Variants in STRIP2 observed in about 807,000 individuals in gnomAD.
STRIP2 encodes the protein striatin-interacting protein 2.
Under a neutral mutation model 107.1 loss-of-function variants are expected in STRIP2, and 84 were observed. The ratio of observed to expected loss-of-function variants is 0.78; its 90% CI spans 0.66 to 0.94. STRIP2 has a LOEUF of 0.94. STRIP2 is among the 40% of genes least tolerant of loss of function. The pLI, the probability that STRIP2 is intolerant of heterozygous loss-of-function variation, is 0.00. For synonymous variants in STRIP2, 394 were observed against 400.4 expected (o/e 0.98, Z 0.19); for missense variants, 888 against 1,034.2 (o/e 0.86, Z 1.94).
chr7:129,459,367 G>T (rs545309171), intron 11 of STRIP2, 150 bp from the exon 12 acceptor site: 2 of 669,340 alleles, frequency 3.0e-6, no homozygotes, highest in East Asian at 2.5e-5. Flanking sequence ...GCACTGATGT[G>T]GGACCTACGA....
intron 19 of STRIP2, among the ~76,000 whole-genome samples, chr7:129,482,385 T>TC (rs1799147386): frequency 1.4e-5 from 2 of 139,966 alleles, no homozygotes; most frequent in African/African-American, 2.6e-5. Context: ...ATATTTTTTT[T>TC]TTTTTTTTTT....
Position 129,453,211 on chromosome 7 carries a change from CT to C in STRIP2, c.410-15del. The C allele has an allele frequency of 6.2e-7, 1 of 1,613,786 alleles. No homozygotes were observed. Among genetic ancestry groups the C allele is most frequent in the Non-Finnish European group, 8.5e-7 (1 of 1,179,836 alleles). ...TGCCACCCCTCAACCCCTGTAACAA[CT>C]GTCTGGTCCTTTAGGTACTTTTGGG... On this transcript the variant is annotated splice_polypyrimidine_tract_variant and intron_variant, in intron 4 of 20. Transcript: ENST00000249344.
rs1798632327 is a variant in STRIP2, at chr7:129,464,796, CAAAG to C, written c.1776+59_1776+62del. Reference sequence around the variant, plus strand: ...TGGGTGTTTGCCAGGCCCTATCTCTCAAAGGAAGGATGCAAAGTCCCTTTTAATC... The same window carrying C: ...TGGGTGTTTGCCAGGCCCTATCTCTCGAAGGATGCAAAGTCCCTTTTAATC... On this transcript the variant is annotated intron_variant, in intron 16 of 20. Transcript: ENST00000249344. 19 of 1,607,912 alleles carry C rather than the reference CAAAG, an allele frequency of 1.2e-5. No homozygotes were observed. In the South Asian group the frequency reaches 1.8e-4, roughly 15 times the overall value.
chr7:129,485,453 TAC>T, intron 20 of STRIP2, 124 bp from the exon 21 acceptor site: 4 of 767,674 alleles, frequency 5.2e-6, no homozygotes, highest in Non-Finnish European at 7.3e-6. Context: ...CATTGCTCTT[TAC>T]AAAAAAAAAA....
chr7:129,443,989 TC>T, intron 2 of STRIP2, 34 bp from the exon 3 acceptor site: 2 of 1,553,586 alleles, frequency 1.3e-6, no homozygotes, highest in South Asian at 2.2e-5. Context: ...TTTAAGGATC[TC>T]CCGAATGTGA....
rs773060629 is a variant in STRIP2, at chr7:129,464,622, C to T, written c.1660C>T (p.Leu554Phe). The change falls in exon 16 of 21, where the codon CTC becomes TTC. Residue 554 changes from leucine (L) to phenylalanine (F), a missense_variant. Leu to Phe is a conservative substitution (Grantham distance 22, BLOSUM62 0). Transcript: ENST00000249344. ...CTCTCCCCATTGTAGCATCACTGTT[C>T]TCCAGAGCATGAAGCTGGGCATCGA... ...VLPEEMPITV[L>F]QSMKLGIDVN... 3.8e-5 allele frequency: 61 copies of T among 1,613,936 alleles called. No homozygotes were observed. The highest frequency in any genetic ancestry group is 4.5e-5 in the Non-Finnish European group (53 of 1,179,986).
rs542249597 is a variant in STRIP2 at position 129,475,798 on chromosome 7, T to C, written c.1945-4987T>C. Reference sequence around the variant, plus strand: ...AGCATGCTGCCTTCAAGCATCTGTTTAACAAAGCACATCTTGCACCGCCCT... The same window carrying C: ...AGCATGCTGCCTTCAAGCATCTGTTCAACAAAGCACATCTTGCACCGCCCT... On this transcript the variant is annotated intron_variant, in intron 18 of 20. Transcript: ENST00000249344. 1.4e-4 allele frequency among the ~76,000 whole-genome samples: 21 copies of C among 152,174 alleles called. No individual in the cohort carries two copies. The East Asian group carries it at 2.1e-3, about 15-fold the overall frequency.
intron 19 of STRIP2, 61 bp downstream of exon 19, chr7:129,480,950 A>G: frequency 7.5e-7 from 1 of 1,325,606 alleles, no homozygotes; most frequent in Non-Finnish European, 1.1e-6. Context: ...AAAGATCACT[A>G]GTAAATATTT....
At chr7:129,440,165 GA>G in intron 2 of STRIP2, 74 bp downstream of exon 2, 1 of 1,319,490 alleles carries the variant, frequency 7.6e-7, no homozygotes, top group Non-Finnish European at 1.1e-6. Flanking sequence ...GATCTCCCTG[GA>G]AGCTTGTCTG....
In STRIP2 at chr7:129,460,289, T is replaced by A. The variant is rs765721586; in HGVS notation, c.1405-12T>A. 6.2e-7 allele frequency: 1 copy of A among 1,612,710 alleles called. No homozygotes were observed. Among genetic ancestry groups the A allele is most frequent in the East Asian group, 2.2e-5 (1 of 44,866 alleles). ...CCCTCAGCCCTTGTTGATGTCTTCT[T>A]ATCTTTGTCAGCACAAGTATATCTC... On this transcript the variant is annotated splice_polypyrimidine_tract_variant and intron_variant, in intron 12 of 20. Transcript: ENST00000249344.
intron 2 of STRIP2, among the ~76,000 whole-genome samples, chr7:129,442,859 G>C (rs1283935908): frequency 6.6e-6 from 1 of 152,064 alleles, no homozygotes; most frequent in African/African-American, 2.4e-5. Context: ...CCTGTGACCT[G>C]GTTAAATTTC....
In STRIP2 at chr7:129,472,775, CCTTTTTTTTTT is replaced by C. The variant is rs1486117450; in HGVS notation, c.1944+2061_1944+2071del. Among the ~76,000 whole-genome samples, 30 of 68,888 alleles carry C rather than the reference CCTTTTTTTTTT, an allele frequency of 4.4e-4. 1 individual carries two copies. The East Asian group carries it at 7.0e-3, about 16-fold the overall frequency. 45.2% of individuals were successfully genotyped at this position (68,888 alleles called of 152,430 possible). A position where few individuals can be genotyped will look rare whatever the true frequency, so the allele number is the denominator to read the frequency against. ...AATATATAGAATTTTCTTTTCTTTT[CCTTTTTTTTTT>C]TTTTTTTTTTTTTTTTTTGAGACAG... is the stretch of plus-strand genomic sequence containing the variant. On this transcript the variant is annotated intron_variant, in intron 18 of 20. Transcript: ENST00000249344.
intron 17 of STRIP2, among the ~76,000 whole-genome samples, chr7:129,468,859 G>A (rs1798730634): frequency 6.6e-6 from 1 of 152,208 alleles, no homozygotes; most frequent in South Asian, 2.1e-4. Flanking sequence ...CTCAGGGTTG[G>A]CCTGTAGTGT....
intron 13 of STRIP2, among the ~76,000 whole-genome samples, chr7:129,462,084 C>T (rs1198370902): frequency 1.3e-5 from 2 of 152,108 alleles, no homozygotes; most frequent in East Asian, 1.9e-4. Context: ...CTCCATGAAG[C>T]GTGAGGCAGG....
chr7:129,449,567 A>T (rs1397097714), intron 3 of STRIP2, among the ~76,000 whole-genome samples: 2 of 152,140 alleles, frequency 1.3e-5, no homozygotes, highest in Non-Finnish European at 2.9e-5. Flanking sequence ...GGATGGGGAA[A>T]CTGTTCCTCC....
rs1251766176 is a variant in STRIP2 at position 129,458,495 on chromosome 7, T to C, written c.1274+45T>C. On this transcript the variant is annotated intron_variant, in intron 10 of 20. Transcript: ENST00000249344. The surrounding 1 kb of genome is among the most constrained non-coding windows in gnomAD (Gnocchi z 4.6). ...GGACCCCTATGCTTCGGGGTTTCAG[T>C]CTCCAAAGGCCCAAGATGGGGTAGT... 2 of 1,466,892 alleles carry C rather than the reference T, an allele frequency of 1.4e-6. No individual in the cohort carries two copies. The highest frequency in any genetic ancestry group is 1.8e-6 in the Non-Finnish European group (2 of 1,094,620). The allele number at this position is 1,466,892 out of a possible 1,614,324, so 90.9% of individuals were successfully genotyped here.
intron 18 of STRIP2, among the ~76,000 whole-genome samples, chr7:129,472,061 T>A (rs1584962977): frequency 6.6e-6 from 1 of 152,248 alleles, no homozygotes; most frequent in Admixed American, 6.5e-5. Flanking sequence ...AGGTTAGTAT[T>A]ACTATTTTAT....
rs1356175566 is a variant in STRIP2 at position 129,467,739 on chromosome 7, G to GT, written c.1877+295dup. Among the ~76,000 whole-genome samples the GT allele has an allele frequency of 6.6e-5, 10 of 152,176 alleles. No homozygotes were observed. In the East Asian group the frequency reaches 1.2e-3, roughly 18 times the overall value. ...TCTGTGTCAGGTGGATCCAGGGGTT[G>GT]TTTTTTGTGAAACAACCTGCTTGTC... On this transcript the variant is annotated intron_variant, in intron 17 of 20. Transcript: ENST00000249344.
chr7:129,435,401 C>A (rs1307867518), intron 1 of STRIP2, among the ~76,000 whole-genome samples: 1 of 152,156 alleles, frequency 6.6e-6, no homozygotes, highest in East Asian at 1.9e-4. Flanking sequence ...GAATAGACGA[C>A]AAAATATCAG....
Sources: gnomAD v4.1 joint callset for allele counts (sites outside exome capture counted in the v4.1 genomes callset) on GRCh38, gnomAD v4.1.1 for gene constraint, Gnocchi (gnomAD v3.1) non-coding constraint, MANE v1.5 for transcripts, NCBI Gene and HGNC (gene_info 2026-07-23, HGNC 2026-07-21) for gene names.